CNTNAP5: variants seen among roughly 807,000 people sequenced by gnomAD.
CNTNAP5 encodes contactin-associated protein-like 5.
Under a neutral mutation model 150.2 loss-of-function variants are expected in CNTNAP5, and 72 were observed. That is an observed-to-expected ratio of 0.48 (90% CI 0.40 to 0.58). The LOEUF is 0.58. Ranked by LOEUF, CNTNAP5 falls within the 20% of genes least tolerant of loss-of-function variation. The probability of loss-of-function intolerance (pLI) is 0.00; values close to 1 mark genes in which losing one functional copy is unlikely to be tolerated. For synonymous variants in CNTNAP5, 672 were observed against 619.8 expected (o/e 1.08, Z -1.25); for missense variants, 1,636 against 1,626.2 (o/e 1.01, Z -0.10).
intron 1 of CNTNAP5, among the ~76,000 whole-genome samples, chr2:124,183,994 G>T (rs1267907781): frequency 6.6e-6 from 1 of 152,202 alleles, no homozygotes; most frequent in African/African-American, 2.4e-5. Context: ...ACAAAAAGTA[G>T]AAGGGAAAAC....
chr2:124,831,713 A>G (rs1404491960), intron 19 of CNTNAP5, among the ~76,000 whole-genome samples: 1 of 151,338 alleles, frequency 6.6e-6, no homozygotes, highest in East Asian at 1.9e-4. Context: ...CTCTCAATTG[A>G]AAATGACCCA....
intron 3 of CNTNAP5, among the ~76,000 whole-genome samples, chr2:124,268,594 G>C (rs921153624): frequency 1.6e-4 from 25 of 152,192 alleles, no homozygotes; most frequent in African/African-American, 6.0e-4. Flanking sequence ...CTACTCCTTT[G>C]TTAACAAGTA....
chr2:124,196,921 A>C (rs1685600914), intron 1 of CNTNAP5, among the ~76,000 whole-genome samples: 1 of 152,202 alleles, frequency 6.6e-6, no homozygotes, highest in South Asian at 2.1e-4. Context: ...TGCAGTGAGC[A>C]CACACCTTCT....
intron 13 of CNTNAP5, among the ~76,000 whole-genome samples, chr2:124,676,050 T>G (rs902783754): frequency 6.6e-6 from 1 of 152,248 alleles, no homozygotes; most frequent in African/African-American, 2.4e-5. Context: ...TTTACTGGAC[T>G]AATGATAAAA....
At chr2:124,626,155 G>A (rs887923546) in intron 12 of CNTNAP5, among the ~76,000 whole-genome samples, 1 of 152,112 alleles carries the variant, frequency 6.6e-6, no homozygotes, top group African/African-American at 2.4e-5. Context: ...GGAATTTAGA[G>A]ACAGGAATAG....
At chr2:124,886,527 C>A (rs1678083822) in intron 21 of CNTNAP5, among the ~76,000 whole-genome samples, 1 of 152,012 alleles carries the variant, frequency 6.6e-6, no homozygotes, top group South Asian at 2.1e-4. Context: ...GATGTCAAAT[C>A]TGACCCCAAA....
intron 13 of CNTNAP5, among the ~76,000 whole-genome samples, chr2:124,685,761 TGCGC>T (rs60811602): frequency 2.6e-4 from 35 of 133,904 alleles, no homozygotes; most frequent in African/African-American, 6.6e-4. Flanking sequence ...TGTGTGTGTG[TGCGC>T]GCGCGTGTTA....
At chr2:124,357,181 A>G (rs1421087154) in intron 3 of CNTNAP5, among the ~76,000 whole-genome samples, 1 of 151,846 alleles carries the variant, frequency 6.6e-6, no homozygotes, top group Non-Finnish European at 1.5e-5. Flanking sequence ...AATTTGTTTG[A>G]GTTCATTGTA....
At chr2:124,575,295 T>C (rs906086234) in intron 11 of CNTNAP5, among the ~76,000 whole-genome samples, 1 of 152,264 alleles carries the variant, frequency 6.6e-6, no homozygotes, top group African/African-American at 2.4e-5. Flanking sequence ...TTTTAAAATA[T>C]AGTTTCTGTT....
intron 13 of CNTNAP5, among the ~76,000 whole-genome samples, chr2:124,704,342 T>C (rs191950967): frequency 1.4e-3 from 211 of 152,292 alleles, no homozygotes; most frequent in African/African-American, 4.9e-3. Context: ...AGTGAAGTGT[T>C]CTTTTTTTTC....
intron 3 of CNTNAP5, among the ~76,000 whole-genome samples, chr2:124,319,323 A>T: frequency 6.6e-6 from 1 of 152,216 alleles, no homozygotes; most frequent in East Asian, 1.9e-4. Context: ...AAATGTATGT[A>T]AACAACTCAT....
At chr2:124,911,807 C>T (rs1295081828) in intron 23 of CNTNAP5, among the ~76,000 whole-genome samples, 3 of 152,132 alleles carry the variant, frequency 2.0e-5, no homozygotes, top group Non-Finnish European at 4.4e-5. Flanking sequence ...TACTTACAGA[C>T]AGCAGCTCAC....
chr2:124,149,313 T>C (rs1262163389), intron 1 of CNTNAP5, among the ~76,000 whole-genome samples: 2 of 147,678 alleles, frequency 1.4e-5, no homozygotes, highest in Admixed American at 6.9e-5. Flanking sequence ...TAAATCTTGG[T>C]GCATATTATT....
intron 12 of CNTNAP5, among the ~76,000 whole-genome samples, chr2:124,611,298 C>T (rs1418107837): frequency 6.6e-6 from 1 of 152,214 alleles, no homozygotes; most frequent in Non-Finnish European, 1.5e-5. Flanking sequence ...TGCAAGAAAA[C>T]TATTGGAAAG....
chr2:124,404,024 G>A (rs1193709516), intron 3 of CNTNAP5, among the ~76,000 whole-genome samples: 1 of 152,184 alleles, frequency 6.6e-6, no homozygotes, highest in South Asian at 2.1e-4. Flanking sequence ...ACAGGTGGGG[G>A]TTATGGGAGC....
Position 124,789,951 on chromosome 2 carries a change from A to G in CNTNAP5, c.2802A>G (p.Leu934=), listed in dbSNP as rs577112002. 1 of 1,613,884 alleles carries G rather than the reference A, an allele frequency of 6.2e-7. No individual in the cohort carries two copies. The highest frequency in any genetic ancestry group is 1.1e-5 in the South Asian group (1 of 91,086). Residue 934 remains leucine (L), a synonymous_variant, in exon 18 of 24, where the codon TTA becomes TTG. Coordinates refer to ENST00000682447, the MANE Select transcript of CNTNAP5 (RefSeq NM_001367498.1). ...QKGFLGCIRS[L]HLNGQKMDLE... is the part of the protein sequence containing the mutation. ...GCTTCCTAGGATGCATTCGCTCCTT[A>G]CACTTGAATGGACAGAAAATGGACC...
intron 1 of CNTNAP5, among the ~76,000 whole-genome samples, chr2:124,079,717 G>A (rs765821515): frequency 5.3e-5 from 8 of 152,164 alleles, no homozygotes; most frequent in African/African-American, 1.7e-4. Context: ...ATGAGCATGC[G>A]TGTGTATGTA....
chr2:124,768,305 G>GTA (rs1349738012), intron 16 of CNTNAP5, among the ~76,000 whole-genome samples: 2 of 142,888 alleles, frequency 1.4e-5, no homozygotes, highest in African/African-American at 5.3e-5. Context: ...GTGTGTGTGT[G>GTA]TGTGTATATG....
At chr2:124,847,070 C>G (rs1352920400) in intron 19 of CNTNAP5, among the ~76,000 whole-genome samples, 1 of 152,162 alleles carries the variant, frequency 6.6e-6, no homozygotes, top group African/African-American at 2.4e-5. Flanking sequence ...GGAGAGGGCA[C>G]TTTTAAGAAT....
Sources: allele counts gnomAD v4.1 joint callset (sites outside exome capture counted in the v4.1 genomes callset), GRCh38; gene constraint gnomAD v4.1.1; transcripts MANE v1.5; gene names NCBI Gene and HGNC (gene_info 2026-07-23, HGNC 2026-07-21).